MYCBP2: variants seen among roughly 807,000 people sequenced by gnomAD.
MYCBP2 encodes E3 ubiquitin-protein ligase MYCBP2.
Under a neutral mutation model 525.3 loss-of-function variants are expected in MYCBP2, and 120 were observed. That is an observed-to-expected ratio of 0.23 (90% CI 0.20 to 0.27). The LOEUF is 0.27. Among genes scored for constraint, MYCBP2 ranks in the 10% least tolerant of loss-of-function variants. MYCBP2 has a pLI of 1.00. For synonymous variants in MYCBP2, 1,894 were observed against 1,955.8 expected (o/e 0.97, Z 0.83); for missense variants, 4,149 against 5,657.1 (o/e 0.73, Z 8.55).
Position 77,217,960 on chromosome 13 carries a change from AG to A in MYCBP2, c.2940-4del. 6.4e-7 allele frequency: 1 copy of A among 1,551,208 alleles called. No individual in the cohort carries two copies. Among genetic ancestry groups the A allele is most frequent in the Non-Finnish European group, 8.7e-7 (1 of 1,148,580 alleles). On this transcript the variant is annotated splice_region_variant and splice_polypyrimidine_tract_variant and intron_variant, in intron 20 of 82. Transcript: ENST00000544440. ...CTTGAACAAGAGTGGGACATCCCCT[AG>A]GTTAAAAAAAAAAAAAGTAAGTCAA...
chr13:77,054,769 T>C (rs931495647), intron 80 of MYCBP2, among the ~76,000 whole-genome samples: 1 of 152,034 alleles, frequency 6.6e-6, no homozygotes, highest in Non-Finnish European at 1.5e-5. Flanking sequence ...CCTGTCTAAT[T>C]TTTGTATTTC....
At chr13:77,251,821 C>T (rs1173915096) in intron 14 of MYCBP2, among the ~76,000 whole-genome samples, 1 of 152,148 alleles carries the variant, frequency 6.6e-6, no homozygotes, top group Non-Finnish European at 1.5e-5. Context: ...CAAAACTCAG[C>T]AAGAGGCAGT....
intron 26 of MYCBP2, among the ~76,000 whole-genome samples, chr13:77,202,368 C>T (rs1028469699): frequency 1.3e-5 from 2 of 152,148 alleles, no homozygotes; most frequent in African/African-American, 2.4e-5. Context: ...TCTGAATAGA[C>T]CAATAACAGG....
At chr13:77,292,701 G>C (rs1215603647) in intron 2 of MYCBP2, among the ~76,000 whole-genome samples, 1 of 152,152 alleles carries the variant, frequency 6.6e-6, no homozygotes, top group Admixed American at 6.5e-5. Context: ...GCTTGTGCCT[G>C]TAATCCCAGC....
chr13:77,247,634 G>C (rs1049615530), intron 15 of MYCBP2, among the ~76,000 whole-genome samples: 2 of 152,084 alleles, frequency 1.3e-5, no homozygotes, highest in African/African-American at 4.8e-5. Flanking sequence ...TGAAAAAGAA[G>C]AACAAAGTAC....
intron 3 of MYCBP2, among the ~76,000 whole-genome samples, chr13:77,279,610 A>C (rs953940776): frequency 3.9e-5 from 6 of 152,204 alleles, no homozygotes; most frequent in African/African-American, 1.4e-4. Flanking sequence ...AGAAAAATTG[A>C]AATAAGACTA....
intron 55 of MYCBP2, 144 bp downstream of exon 55, chr13:77,121,228 TG>T (rs2050638498): frequency 1.2e-6 from 1 of 800,306 alleles, no homozygotes; most frequent in African/African-American, 1.8e-5. Flanking sequence ...AGAACACCTT[TG>T]TAAACATTTT....
At chr13:77,186,587 G>C (rs1433054075) in intron 30 of MYCBP2, among the ~76,000 whole-genome samples, 1 of 151,902 alleles carries the variant, frequency 6.6e-6, no homozygotes, top group East Asian at 1.9e-4. Flanking sequence ...ATTAATAGAA[G>C]ATAAAAATTG....
rs2082386339 is a variant in MYCBP2, at chr13:77,326,892, C to G, written c.-117G>C. The G allele has an allele frequency of 1.0e-6, 1 of 975,096 alleles. No homozygotes were observed. The highest frequency in any genetic ancestry group is 1.4e-6 in the Non-Finnish European group (1 of 725,482). The allele number at this position is 975,096 out of a possible 1,614,324, so 60.4% of individuals were successfully genotyped here. A position where few individuals can be genotyped will look rare whatever the true frequency, so the allele number is the denominator to read the frequency against. ...GGCTCCGGCGGCGGCCTCTGGCTCC[C>G]GCAGCAGGGAGACTACAAAGACAGC... On this transcript the variant is annotated 5_prime_UTR_variant, in exon 1 of 83. Coordinates refer to ENST00000544440, the MANE Select transcript of MYCBP2 (RefSeq NM_015057.5). The surrounding 1 kb of genome is among the most constrained non-coding windows in gnomAD (Gnocchi z 4.2).
chr13:77,078,915 A>G, intron 65 of MYCBP2, 26 bp from the exon 66 acceptor site: 1 of 1,561,608 alleles, frequency 6.4e-7, no homozygotes, highest in Non-Finnish European at 8.8e-7. Flanking sequence ...CACAATAGTT[A>G]ATATGCTATA....
intron 28 of MYCBP2, among the ~76,000 whole-genome samples, chr13:77,191,196 A>G (rs2061260724): frequency 5.3e-5 from 8 of 152,214 alleles, no homozygotes; most frequent in Admixed American, 5.2e-4. Context: ...CAGATAAAAT[A>G]TAAGAATATG....
At chr13:77,151,906 A>G (rs1237915485) in intron 46 of MYCBP2, among the ~76,000 whole-genome samples, 1 of 152,250 alleles carries the variant, frequency 6.6e-6, no homozygotes, top group Non-Finnish European at 1.5e-5. Flanking sequence ...ACACAATTTG[A>G]ATACCACTTT....
intron 5 of MYCBP2, among the ~76,000 whole-genome samples, chr13:77,273,042 A>G (rs544500989): frequency 6.6e-6 from 1 of 152,350 alleles, no homozygotes; most frequent in African/African-American, 2.4e-5. Context: ...AAACGAATCA[A>G]TTCATAAAAA....
chr13:77,062,901 A>G (rs1468100936), intron 73 of MYCBP2, among the ~76,000 whole-genome samples: 21 of 152,218 alleles, frequency 1.4e-4, no homozygotes, highest in Admixed American at 1.4e-3. Flanking sequence ...GCACTCAGAT[A>G]TCTACTGAAC....
At position 77,186,802 on chromosome 13, in the gene MYCBP2, A is replaced by ATT. The variant is rs5804893; in HGVS notation, c.4252-741_4252-740dup. On this transcript the variant is annotated intron_variant, in intron 30 of 82. Transcript: ENST00000544440. ...TCCTGAAAACGAGTTTATAGATTCA[A>ATT]TTTTTTTTTTTTTTTTTTTTTGAGA... Among the ~76,000 whole-genome samples, 636 of 120,416 alleles carry ATT rather than the reference A, an allele frequency of 5.3e-3. 9 individuals are homozygous for ATT. Among genetic ancestry groups the ATT allele is most frequent in the African/African-American group, 6.0e-3 (196 of 32,520 alleles). 79.0% of individuals were successfully genotyped at this position (120,416 alleles called of 152,430 possible).
At chr13:77,260,654 T>C in intron 12 of MYCBP2, 62 bp from the exon 13 acceptor site, 1 of 1,377,730 alleles carries the variant, frequency 7.3e-7, no homozygotes, top group South Asian at 1.4e-5. Flanking sequence ...AATAATGGTT[T>C]GTATATAAAG....
intron 13 of MYCBP2, 93 bp from the exon 14 acceptor site, chr13:77,257,922 G>A: frequency 1.0e-6 from 1 of 1,001,744 alleles, no homozygotes; most frequent in Non-Finnish European, 1.4e-6. Context: ...TTTATTTCTG[G>A]GGCAAAATAA....
intron 68 of MYCBP2, chr13:77,076,214 G>C (rs2042267139): frequency 6.6e-6 from 1 of 152,182 alleles, no homozygotes; most frequent in Non-Finnish European, 1.5e-5. Context: ...TACCATGATG[G>C]ATACAAAGAC....
intron 18 of MYCBP2, among the ~76,000 whole-genome samples, 182 bp from the exon 19 acceptor site, chr13:77,225,736 T>TA (rs2066164630): frequency 6.6e-6 from 1 of 152,164 alleles, no homozygotes; most frequent in Non-Finnish European, 1.5e-5. Context: ...TTTGAAAAGA[T>TA]AGACTATATA....
Sources: gnomAD v4.1 joint callset for allele counts (sites outside exome capture counted in the v4.1 genomes callset) on GRCh38, gnomAD v4.1.1 for gene constraint, Gnocchi (gnomAD v3.1) non-coding constraint, MANE v1.5 for transcripts, NCBI Gene and HGNC (gene_info 2026-07-23, HGNC 2026-07-21) for gene names.